TLCD4: variants seen among roughly 807,000 people sequenced by gnomAD.
The protein encoded by TLCD4 is TLC domain containing 4, also known as TLC domain-containing protein 4.
A neutral mutation model predicts 24.2 loss-of-function variants in TLCD4; 7 were observed. That is an observed-to-expected ratio of 0.29 (90% CI 0.16 to 0.54). The LOEUF is 0.54. TLCD4 is among the 20% of genes least tolerant of loss of function. The pLI, the probability that TLCD4 is intolerant of heterozygous loss-of-function variation, is 0.95. For missense variants in TLCD4, 259 were observed against 313.9 expected, an observed-to-expected ratio of 0.82 and a Z score of 1.32; for synonymous variants, 103 against 106.4, an observed-to-expected ratio of 0.97 and a Z score of 0.20.
chr1:95,132,304 A>G (rs977452372), intron 1 of TLCD4, among the ~76,000 whole-genome samples: 4 of 152,124 alleles, frequency 2.6e-5, no homozygotes, highest in South Asian at 2.1e-4. Flanking sequence ...AAAATACAAA[A>G]AAATTAGCCA....
At position 95,194,317 on chromosome 1, in the gene TLCD4, T is replaced by A. The variant is rs1016899871; in HGVS notation, c.*2449T>A. ...TCATACAACAGACATGGAATGGAAA[T>A]GCCACTAGAAACTGCCCTGCTACTT... On this transcript the variant is annotated 3_prime_UTR_variant, in exon 7 of 7. Coordinates refer to ENST00000370203, the MANE Select transcript of TLCD4 (RefSeq NM_152487.3). 1 of 152,128 alleles carries A rather than the reference T, an allele frequency of 6.6e-6. No homozygotes were observed. Among genetic ancestry groups the A allele is most frequent in the Non-Finnish European group, 1.5e-5 (1 of 67,980 alleles). 9.4% of individuals were successfully genotyped at this position (152,128 alleles called of 1,614,324 possible).
the TLCD4 span, among the ~76,000 whole-genome samples, chr1:95,105,404 A>G: frequency 2.6e-5 from 4 of 152,230 alleles, no homozygotes; most frequent in African/African-American, 9.6e-5. Context: ...TCACTCTCAG[A>G]ACAGTTGTGA....
intron 1 of TLCD4, among the ~76,000 whole-genome samples, chr1:95,124,366 A>G (rs193038625): frequency 2.0e-5 from 3 of 152,346 alleles, no homozygotes; most frequent in East Asian, 3.9e-4. Flanking sequence ...AAACCAAATC[A>G]GAGAAGCACA....
chr1:95,165,568 C>T lies in TLCD4; in HGVS notation c.400-8248C>T, dbSNP rs187927158. ...GCAACCTCCACTTCCCGGGTTCAAG[C>T]GATTCCCCTGCCTCAGCCTCCCAAG... On this transcript the variant is annotated intron_variant, in intron 5 of 6. Transcript: ENST00000370203. 3.1e-3 allele frequency among the ~76,000 whole-genome samples: 468 copies of T among 151,570 alleles called. 1 individual carries two copies. Among genetic ancestry groups the T allele is most frequent in the Non-Finnish European group, 4.3e-3 (293 of 67,922 alleles).
the TLCD4 span, among the ~76,000 whole-genome samples, chr1:95,111,368 T>G: frequency 0.95 from 143,985 of 151,678 alleles, 68,375 homozygotes; most frequent in East Asian, 1. Flanking sequence ...TACAAAATAA[T>G]AACTGTGTTC....
chr1:95,191,943 T>C lies in TLCD4; in HGVS notation c.*75T>C. 6.6e-7 allele frequency: 1 copy of C among 1,509,944 alleles called. No homozygotes were observed. Among genetic ancestry groups the C allele is most frequent in the Non-Finnish European group, 8.8e-7 (1 of 1,136,696 alleles). The allele number at this position is 1,509,944 out of a possible 1,614,324, so 93.5% of individuals were successfully genotyped here. A position where few individuals can be genotyped will look rare whatever the true frequency, so the allele number is the denominator to read the frequency against. Reference sequence around the variant, plus strand: ...ATAGGATGAATTCTTGGCATGTTCTTGTGTACCTTTCTTAATTATAATTGT... The same window carrying C: ...ATAGGATGAATTCTTGGCATGTTCTCGTGTACCTTTCTTAATTATAATTGT... On this transcript the variant is annotated 3_prime_UTR_variant, in exon 7 of 7. Coordinates refer to ENST00000370203, the MANE Select transcript of TLCD4 (RefSeq NM_152487.3).
In TLCD4 at chr1:95,150,204, TCAGGG is replaced by T; in HGVS notation, c.246-3_247del. On this transcript the variant is annotated splice_acceptor_variant and splice_polypyrimidine_tract_variant and coding_sequence_variant and intron_variant, in exon 4 of 7. Coordinates refer to ENST00000370203, the MANE Select transcript of TLCD4 (RefSeq NM_152487.3). LOFTEE classifies it high-confidence loss of function. ...TTTAAAAAGGAACCTTTTTTTTTTT[TCAGGG>T]GTGGTCCATCACTTGCAAACGTGAA... 4 of 1,606,730 alleles carry T rather than the reference TCAGGG, an allele frequency of 2.5e-6. No homozygotes were observed. The highest frequency in any genetic ancestry group is 3.4e-5 in the Admixed American group (2 of 59,070).
At chr1:95,117,216 G>C (rs1003168153), upstream of TLCD4, 1 of 152,240 alleles carries the variant, frequency 6.6e-6, no homozygotes, top group African/African-American at 2.4e-5. Flanking sequence ...CGGGTGTTAG[G>C]GTTTTTGGGC....
At chr1:95,175,766 T>TTTTTC (rs577001992) in intron 6 of TLCD4, among the ~76,000 whole-genome samples, 1 of 151,958 alleles carries the variant, frequency 6.6e-6, no homozygotes, top group Non-Finnish European at 1.5e-5. Context: ...TTTCTTTTTC[T>TTTTTC]TTTTCTTTTC....
chr1:95,168,001 G>A (rs748511139), intron 5 of TLCD4, among the ~76,000 whole-genome samples: 11 of 152,102 alleles, frequency 7.2e-5, no homozygotes, highest in Non-Finnish European at 1.2e-4. Context: ...CCACGACCTG[G>A]TGTTGGGACC....
chr1:95,181,543 G>A (rs188106233), intron 6 of TLCD4, among the ~76,000 whole-genome samples: 2 of 151,326 alleles, frequency 1.3e-5, no homozygotes, highest in African/African-American at 4.8e-5. Flanking sequence ...AAATTCATTG[G>A]CCTTTCTTGG....
intron 6 of TLCD4, among the ~76,000 whole-genome samples, chr1:95,189,511 A>G (rs182103968): frequency 2.0e-5 from 3 of 152,318 alleles, no homozygotes; most frequent in Admixed American, 2.0e-4. Context: ...TATGCAGAAC[A>G]GTTTCACCAC....
At chr1:95,133,496 T>G (rs991243649) in intron 1 of TLCD4, among the ~76,000 whole-genome samples, 1 of 151,934 alleles carries the variant, frequency 6.6e-6, no homozygotes, top group East Asian at 1.9e-4. Context: ...AGTGCACAAG[T>G]TAGAGAGGTT....
chr1:95,099,886 C>G, the TLCD4 span, among the ~76,000 whole-genome samples: 6 of 151,958 alleles, frequency 3.9e-5, no homozygotes, highest in East Asian at 1.2e-3. Context: ...AATCCCAGCA[C>G]TTTGGGAGGC....
intron 1 of TLCD4, among the ~76,000 whole-genome samples, chr1:95,128,288 G>A (rs1362496407): frequency 6.6e-6 from 1 of 152,062 alleles, no homozygotes; most frequent in Non-Finnish European, 1.5e-5. Context: ...GCTTCATTCT[G>A]CTTGTTAAGC....
chr1:95,138,853 C>T (rs1677118034), intron 1 of TLCD4, among the ~76,000 whole-genome samples: 1 of 151,502 alleles, frequency 6.6e-6, no homozygotes, highest in Non-Finnish European at 1.5e-5. Context: ...ATTTGTGTAT[C>T]TAAACATAGA....
intron 5 of TLCD4, among the ~76,000 whole-genome samples, chr1:95,166,440 T>A (rs192310126): frequency 1.3e-5 from 2 of 152,246 alleles, no homozygotes; most frequent in Admixed American, 1.3e-4. Context: ...ATTTTCCTTT[T>A]CATCCTGGAT....
upstream of TLCD4, among the ~76,000 whole-genome samples, chr1:95,113,723 T>C (rs1676380532): frequency 6.6e-6 from 1 of 152,202 alleles, no homozygotes; most frequent in Non-Finnish European, 1.5e-5. Flanking sequence ...ATATCACATA[T>C]AATAAAATGC....
chr1:95,113,712 T>C (rs889495650), upstream of TLCD4, among the ~76,000 whole-genome samples: 51 of 152,100 alleles, frequency 3.4e-4, 1 homozygote, highest in Non-Finnish European at 1.5e-4. Context: ...TTGTAGAAAA[T>C]ATATCACATA....
Sources: gnomAD v4.1 joint callset for allele counts (sites outside exome capture counted in the v4.1 genomes callset) on GRCh38, gnomAD v4.1.1 for gene constraint, MANE v1.5 for transcripts, NCBI Gene and HGNC (gene_info 2026-07-23, HGNC 2026-07-21) for gene names.